Variants in GPR158 observed in about 807,000 individuals in gnomAD.
The protein encoded by GPR158 is metabotropic glycine receptor.
GPR158 carries 30 observed loss-of-function variants against 78.2 expected under a neutral mutation model. The observed-to-expected ratio is 0.38, with a 90% CI of 0.29 to 0.52. The LOEUF (loss-of-function observed/expected upper bound fraction) is 0.52. GPR158 is among the 20% of genes least tolerant of loss of function. The pLI, the probability that GPR158 is intolerant of heterozygous loss-of-function variation, is 0.83. For synonymous variants in GPR158, 581 were observed against 591.1 expected (o/e 0.98, Z 0.25); for missense variants, 1,463 against 1,523.5 (o/e 0.96, Z 0.66).
intron 2 of GPR158, among the ~76,000 whole-genome samples, chr10:25,345,535 A>G (rs144436349): frequency 6.6e-6 from 1 of 151,984 alleles, no homozygotes; most frequent in African/African-American, 2.4e-5. Context: ...GAAGTAAAGG[A>G]TTTGCCGACT....
intron 8 of GPR158, 115 bp downstream of exon 8, chr10:25,589,260 A>G (rs937030477): frequency 3.2e-6 from 2 of 628,000 alleles, no homozygotes; most frequent in Non-Finnish European, 5.0e-6. Flanking sequence ...ATAGCATTTT[A>G]TAAGTGGACT....
chr10:25,333,372 C>T (rs1387434247), intron 2 of GPR158, among the ~76,000 whole-genome samples: 1 of 152,112 alleles, frequency 6.6e-6, no homozygotes, highest in Non-Finnish European at 1.5e-5. Flanking sequence ...TCTCTTGGTT[C>T]ATTTTTTAGG....
At chr10:25,430,588 A>T (rs1244553467) in intron 4 of GPR158, among the ~76,000 whole-genome samples, 1 of 151,234 alleles carries the variant, frequency 6.6e-6, no homozygotes, top group Non-Finnish European at 1.5e-5. Flanking sequence ...AGCTGGAGGC[A>T]TCATGCTACC....
intron 2 of GPR158, among the ~76,000 whole-genome samples, chr10:25,266,014 T>A (rs1400752660): frequency 6.6e-6 from 1 of 152,148 alleles, no homozygotes; most frequent in Non-Finnish European, 1.5e-5. Flanking sequence ...TTCAGTTTGT[T>A]TGCTTCAGTC....
intron 1 of GPR158, among the ~76,000 whole-genome samples, chr10:25,189,492 T>C (rs1852739591): frequency 6.6e-6 from 1 of 152,084 alleles, no homozygotes; most frequent in Non-Finnish European, 1.5e-5. Flanking sequence ...TGTAGGGACA[T>C]GGATAAAGCT....
intron 3 of GPR158, among the ~76,000 whole-genome samples, chr10:25,404,874 C>T (rs1360137970): frequency 1.3e-5 from 2 of 152,046 alleles, no homozygotes; most frequent in African/African-American, 4.8e-5. Flanking sequence ...ATGGAAAGCT[C>T]TCCATGTTGA....
At chr10:25,225,005 C>T (rs149174360) in intron 2 of GPR158, among the ~76,000 whole-genome samples, 5 of 152,182 alleles carry the variant, frequency 3.3e-5, no homozygotes, top group Admixed American at 1.3e-4. Context: ...ACACTGAAAA[C>T]ATTTTCAAAT....
intron 2 of GPR158, among the ~76,000 whole-genome samples, chr10:25,276,857 C>T (rs1308963742): frequency 6.6e-6 from 1 of 151,850 alleles, no homozygotes; most frequent in Admixed American, 6.6e-5. Context: ...AGATTTGTCA[C>T]AGAAGCAGTA....
At position 25,197,094 on chromosome 10, in the gene GPR158, T is replaced by A. The variant is rs114234735; in HGVS notation, c.902+20772T>A. ...TCCCTCTTGTACGTACTTCCTGTCA[T>A]TACAGTTGGATGTGGAGGGAGGAGG... On this transcript the variant is annotated intron_variant, in intron 1 of 10. Coordinates refer to ENST00000376351, the MANE Select transcript of GPR158 (RefSeq NM_020752.3). Among the ~76,000 whole-genome samples, 251 of 152,314 alleles carry A rather than the reference T, an allele frequency of 1.6e-3. 1 individual carries two copies. Among genetic ancestry groups the A allele is most frequent in the African/African-American group, 5.7e-3 (237 of 41,566 alleles).
At chr10:25,596,510 TATATATAG>T in intron 9 of GPR158, 125 bp from the exon 10 acceptor site, 1 of 613,310 alleles carries the variant, frequency 1.6e-6, no homozygotes, top group South Asian at 1.8e-5. Context: ...TATCTATCTA[TATATATAG>T]ATAGATAGAT....
In GPR158 at chr10:25,307,052, GGAAA is replaced by G. The variant is rs554863652; in HGVS notation, c.1008+85902_1008+85905del. ...AGAGAGAGAGAGAGGGAAAGAGAGA[GGAAA>G]GAAAGAGAATAAGTAAGAACAATTT... On this transcript the variant is annotated intron_variant, in intron 2 of 10. Transcript: ENST00000376351. Among the ~76,000 whole-genome samples the G allele has an allele frequency of 6.5e-4, 98 of 151,324 alleles. 2 individuals carry two copies. In the South Asian group the frequency reaches 0.02, roughly 31 times the overall value.
intron 4 of GPR158, among the ~76,000 whole-genome samples, chr10:25,428,539 C>A (rs1490564660): frequency 6.6e-6 from 1 of 151,932 alleles, no homozygotes; most frequent in Non-Finnish European, 1.5e-5. Context: ...CAAAGTCAAG[C>A]TTGATTAATG....
intron 2 of GPR158, among the ~76,000 whole-genome samples, chr10:25,246,919 A>G (rs1159878473): frequency 6.6e-6 from 1 of 152,224 alleles, no homozygotes; most frequent in Admixed American, 6.5e-5. Context: ...ATGCTTATTA[A>G]CAGGTATTGA....
chr10:25,473,700 G>T (rs1318984999), intron 5 of GPR158, among the ~76,000 whole-genome samples: 1 of 152,048 alleles, frequency 6.6e-6, no homozygotes, highest in Non-Finnish European at 1.5e-5. Context: ...TATGTGTCGA[G>T]GAATTTATCC....
In GPR158 at chr10:25,572,676, G is replaced by A. The variant is rs200618661; in HGVS notation, c.1542G>A (p.Thr514=). The change falls in exon 7 of 11, where the codon ACG becomes ACA. Residue 514 remains threonine (T), a synonymous_variant. Coordinates refer to ENST00000376351, the MANE Select transcript of GPR158 (RefSeq NM_020752.3). ...HRVLKVFLSR[T]AQRIPYMTGG... ...TTTTGAAGGTGTTTCTTTCACGAAC[G>A]GCTCAACGAATTCCATATATGACTG... 120 of 1,613,234 alleles carry A rather than the reference G, an allele frequency of 7.4e-5. No homozygotes were observed. The highest frequency in any genetic ancestry group is 1.4e-4 in the South Asian group (13 of 91,050).
At chr10:25,466,415 A>C in intron 4 of GPR158, 1 of 395,342 alleles carries the variant, frequency 2.5e-6, no homozygotes, top group East Asian at 3.9e-5. Context: ...CAAATTTTAG[A>C]GAACAAAATC....
At chr10:25,243,307 AG>A (rs138787080) in intron 2 of GPR158, among the ~76,000 whole-genome samples, 3,332 of 152,350 alleles carry the variant, frequency 0.022, 52 homozygotes, top group Middle Eastern at 0.034. Context: ...GGTCATCAAT[AG>A]AAGCAAGCTG....
chr10:25,330,641 T>C (rs1339030598), intron 2 of GPR158, among the ~76,000 whole-genome samples: 1 of 152,240 alleles, frequency 6.6e-6, no homozygotes, highest in East Asian at 1.9e-4. Flanking sequence ...AATTATACTT[T>C]CTTCTACCCT....
chr10:25,569,218 C>G (rs1836970986), intron 6 of GPR158, among the ~76,000 whole-genome samples: 1 of 152,132 alleles, frequency 6.6e-6, no homozygotes, highest in South Asian at 2.1e-4. Context: ...AATTCTCAAG[C>G]TATACAATAA....
Sources: gnomAD v4.1 joint callset for allele counts (sites outside exome capture counted in the v4.1 genomes callset) on GRCh38, gnomAD v4.1.1 for gene constraint, MANE v1.5 for transcripts, NCBI Gene and HGNC (gene_info 2026-07-23, HGNC 2026-07-21) for gene names.